The following ARMH4 variants were observed in gnomAD, a reference collection of about 807,000 sequenced individuals.
ARMH4 encodes the protein armadillo-like helical domain-containing protein 4.
ARMH4 carries 49 observed loss-of-function variants against 61.9 expected under a neutral mutation model. That is an observed-to-expected ratio of 0.79 (90% CI 0.63 to 1.00). The LOEUF is 1.00. ARMH4 is among the 50% of genes least tolerant of loss of function. The pLI, the probability that ARMH4 is intolerant of heterozygous loss-of-function variation, is 0.00. For synonymous variants in ARMH4, 368 were observed against 341.5 expected, an observed-to-expected ratio of 1.08 and a Z score of -0.85; for missense variants, 934 against 930.0, an observed-to-expected ratio of 1.00 and a Z score of -0.06.
At chr14:58,101,228 G>C (rs1272312816) in intron 4 of ARMH4, 1 of 152,236 alleles carries the variant, frequency 6.6e-6, no homozygotes, top group East Asian at 1.9e-4. Context: ...TTACAAATTG[G>C]TATCAGGTCT....
At chr14:58,118,537 A>G (rs59654750) in intron 4 of ARMH4, among the ~76,000 whole-genome samples, 7,031 of 149,778 alleles carry the variant, frequency 0.047, 592 homozygotes, top group African/African-American at 0.16. Flanking sequence ...TGAGAAGTTT[A>G]CCCTTTACAT....
intron 4 of ARMH4, among the ~76,000 whole-genome samples, chr14:58,130,706 C>T (rs1887064789): frequency 6.6e-6 from 1 of 152,162 alleles, no homozygotes; most frequent in African/African-American, 2.4e-5. Context: ...ATTTCTTGGT[C>T]TTAGTAAATA....
In ARMH4 at chr14:58,139,094, C is replaced by A; in HGVS notation, c.265G>T (p.Ala89Ser). 1 of 1,614,194 alleles carries A rather than the reference C, an allele frequency of 6.2e-7. No individual in the cohort carries two copies. Among genetic ancestry groups the A allele is most frequent in the Non-Finnish European group, 8.5e-7 (1 of 1,180,044 alleles). Residue 89 changes from alanine (A) to serine (S), a missense_variant, in exon 2 of 8, where the codon GCA becomes TCA. By Grantham distance (99) the Ala-to-Ser change is moderately conservative. Coordinates refer to ENST00000267485, the MANE Select transcript of ARMH4 (RefSeq NM_001001872.4). ...AVPSATSLNKAFSINKETQPG... is the reference protein window; with the variant it reads ...AVPSATSLNKSFSINKETQPG... ...TGGGTTTCTTTGTTAATCGAGAATG[C>A]TTTATTTAATGATGTTGCCGATGGT...
intron 5 of ARMH4, among the ~76,000 whole-genome samples, 199 bp downstream of exon 5, chr14:58,096,525 C>A (rs754495228): frequency 4.3e-4 from 65 of 152,116 alleles, no homozygotes; most frequent in Non-Finnish European, 1.3e-4. Flanking sequence ...AATAAGTGAT[C>A]ATTTTTAATT....
chr14:58,068,421 T>TTAGATG (rs755679592), intron 5 of ARMH4, among the ~76,000 whole-genome samples: 4 of 152,222 alleles, frequency 2.6e-5, no homozygotes, highest in South Asian at 2.1e-4. Context: ...TCCCTTGTGC[T>TTAGATG]TGTCATGATT....
At position 58,005,063 on chromosome 14, in the gene ARMH4, T is replaced by C. The variant is rs1278011062; in HGVS notation, c.2241A>G (p.Lys747=). 4.3e-6 allele frequency: 7 copies of C among 1,614,066 alleles called. No individual in the cohort carries two copies. The highest frequency in any genetic ancestry group is 5.9e-6 in the Non-Finnish European group (7 of 1,179,940). ...GGTTCCATACCTTTCTTTTATGCCT[T>C]TTGAAGCCATTTCTCCTTCGGCGAT... ...VMNRRRRNGF[K]RHKRKQREFN... is the part of the protein sequence containing the mutation. Residue 747 remains lysine, a synonymous_variant, in exon 7 of 8, where the codon AAA becomes AAG. Transcript: ENST00000267485.
chr14:58,012,726 A>G (rs1672088755), intron 5 of ARMH4, among the ~76,000 whole-genome samples: 1 of 152,240 alleles, frequency 6.6e-6, no homozygotes, highest in South Asian at 2.1e-4. Flanking sequence ...TTCTATAGCA[A>G]TACAACCACT....
At chr14:58,048,214 A>T (rs1884003071) in intron 5 of ARMH4, among the ~76,000 whole-genome samples, 1 of 152,068 alleles carries the variant, frequency 6.6e-6, no homozygotes, top group African/African-American at 2.4e-5. Flanking sequence ...AACGGGAAAA[A>T]CCCAAGACCC....
At chr14:58,112,883 G>A (rs557679683) in intron 4 of ARMH4, among the ~76,000 whole-genome samples, 2 of 151,856 alleles carry the variant, frequency 1.3e-5, no homozygotes, top group African/African-American at 4.8e-5. Context: ...TTTTCCCCTG[G>A]CTTTTTTCCT....
At chr14:58,017,344 G>A (rs58106823) in intron 5 of ARMH4, among the ~76,000 whole-genome samples, 36,323 of 151,966 alleles carry the variant, frequency 0.24, 4,805 homozygotes, top group East Asian at 0.56. Context: ...TTAAATTGTC[G>A]CTGTTTGCAG....
At chr14:58,077,291 C>T (rs1196672628) in intron 5 of ARMH4, among the ~76,000 whole-genome samples, 3 of 152,084 alleles carry the variant, frequency 2.0e-5, no homozygotes, top group Non-Finnish European at 4.4e-5. Flanking sequence ...ATGTATCAGG[C>T]AGAGTGAAAA....
At position 58,001,206 on chromosome 14, in the gene ARMH4, A is replaced by G. The variant is rs1881972217; in HGVS notation, c.*3530T>C. ...AGAATTTCCTTATTTCCTATGGCTGAATAATATTCTACTGTATGTATATAC... is the reference window on the plus strand; with the variant it reads ...AGAATTTCCTTATTTCCTATGGCTGGATAATATTCTACTGTATGTATATAC... On this transcript the variant is annotated 3_prime_UTR_variant, in exon 8 of 8. Coordinates refer to ENST00000267485, the MANE Select transcript of ARMH4 (RefSeq NM_001001872.4). The G allele has an allele frequency of 6.6e-6, 1 of 152,226 alleles. No homozygotes were observed. Among genetic ancestry groups the G allele is most frequent in the South Asian group, 2.1e-4 (1 of 4,832 alleles). The allele number at this position is 152,226 out of a possible 1,614,324, so 9.4% of individuals were successfully genotyped here. A position where few individuals can be genotyped will look rare whatever the true frequency, so the allele number is the denominator to read the frequency against.
At position 58,002,110 on chromosome 14, in the gene ARMH4, C is replaced by T. The variant is rs1009338325; in HGVS notation, c.*2626G>A. The T allele has an allele frequency of 1.3e-5, 2 of 152,166 alleles. No homozygotes were observed. Among genetic ancestry groups the T allele is most frequent in the African/African-American group, 2.4e-5 (1 of 41,446 alleles). 9.4% of individuals were successfully genotyped at this position (152,166 alleles called of 1,614,324 possible). ...AAGTGCCTGATTTACTACTTCTCAA[C>T]TGGACCACTATATAACCACTGGCCA... On this transcript the variant is annotated 3_prime_UTR_variant, in exon 8 of 8. Coordinates refer to ENST00000267485, the MANE Select transcript of ARMH4 (RefSeq NM_001001872.4).
At chr14:58,075,969 T>C (rs891034917) in intron 5 of ARMH4, among the ~76,000 whole-genome samples, 3 of 151,722 alleles carry the variant, frequency 2.0e-5, no homozygotes, top group African/African-American at 7.3e-5. Context: ...TACCTGGTAC[T>C]TATTAAAAAC....
At chr14:58,042,483 C>T (rs1268043011) in intron 5 of ARMH4, among the ~76,000 whole-genome samples, 2 of 151,956 alleles carry the variant, frequency 1.3e-5, no homozygotes, top group Admixed American at 1.3e-4. Flanking sequence ...ACTAAATGCC[C>T]ACAAGAGAAA....
intron 5 of ARMH4, among the ~76,000 whole-genome samples, chr14:58,096,064 G>A (rs998502082): frequency 9.2e-5 from 14 of 152,142 alleles, no homozygotes; most frequent in African/African-American, 3.4e-4. Flanking sequence ...GCTGAGGAGC[G>A]GCCTGCATCC....
chr14:58,112,620 T>C (rs966502221), intron 4 of ARMH4, among the ~76,000 whole-genome samples: 25 of 152,340 alleles, frequency 1.6e-4, no homozygotes, highest in African/African-American at 5.8e-4. Context: ...TCACTATTTC[T>C]TCTTGCATCT....
At chr14:58,130,025 G>A (rs1887034728) in intron 4 of ARMH4, among the ~76,000 whole-genome samples, 2 of 152,138 alleles carry the variant, frequency 1.3e-5, no homozygotes, top group Admixed American at 1.3e-4. Flanking sequence ...ACTAAATTTA[G>A]AAAGTTACTG....
chr14:58,045,363 C>CA (rs898060708), intron 5 of ARMH4, among the ~76,000 whole-genome samples: 3 of 152,084 alleles, frequency 2.0e-5, no homozygotes, highest in African/African-American at 7.2e-5. Flanking sequence ...ATCGCAAGGA[C>CA]AAAAAACCAA....
Sources: gnomAD v4.1 joint callset for allele counts (sites outside exome capture counted in the v4.1 genomes callset) on GRCh38, gnomAD v4.1.1 for gene constraint, MANE v1.5 for transcripts, NCBI Gene and HGNC (gene_info 2026-07-23, HGNC 2026-07-21) for gene names.